Variants in MBD5 observed in about 807,000 individuals in gnomAD.
The protein encoded by MBD5 is methyl-CpG binding domain protein 5, also known as methyl-CpG-binding domain protein 5.
Under a neutral mutation model 117.3 loss-of-function variants are expected in MBD5, and 13 were observed. The observed-to-expected ratio is 0.11, with a 90% CI of 0.07 to 0.18. The LOEUF is 0.18. Ranked by LOEUF, MBD5 falls within the 10% of genes least tolerant of loss-of-function variation. The probability of loss-of-function intolerance (pLI) is 1.00; values close to 1 mark genes in which losing one functional copy is unlikely to be tolerated. For missense variants in MBD5, 1,879 were observed against 2,093.8 expected (o/e 0.90, Z 2.00); for synonymous variants, 727 against 766.4 (o/e 0.95, Z 0.85).
chr2:148,470,397 G>A lies in MBD5; in HGVS notation c.2454G>A (p.Thr818=), dbSNP rs769275989. The part of the protein sequence containing the change: ...HPNPPQSRIS[T]SSTPVIPNSI... ...ATCCACCTCAGTCAAGAATTTCAAC[G>A]TCCTCCACTCCAGTGATACCAAACA... Residue 818 remains threonine (T), a synonymous_variant, in exon 8 of 14, where the codon ACG becomes ACA. Coordinates refer to ENST00000642680, the MANE Select transcript of MBD5 (RefSeq NM_001378120.1). The A allele has an allele frequency of 1.2e-5, 20 of 1,613,112 alleles. No individual in the cohort carries two copies. Among genetic ancestry groups the A allele is most frequent in the South Asian group, 3.3e-5 (3 of 91,008 alleles).
intron 4 of MBD5, among the ~76,000 whole-genome samples, chr2:148,381,394 G>C (rs1704138576): frequency 6.6e-6 from 1 of 152,080 alleles, no homozygotes; most frequent in South Asian, 2.1e-4. Context: ...TGAATGAAAT[G>C]AGAAGTTTAG....
chr2:148,117,081 A>G (rs2105379880), intron 1 of MBD5, among the ~76,000 whole-genome samples: 1 of 152,280 alleles, frequency 6.6e-6, no homozygotes, highest in East Asian at 1.9e-4. Context: ...GTAAAAGTTT[A>G]TTTAAAAACA....
intron 8 of MBD5, among the ~76,000 whole-genome samples, chr2:148,476,835 A>G (rs1680981301): frequency 6.6e-6 from 1 of 152,186 alleles, no homozygotes; most frequent in Non-Finnish European, 1.5e-5. Context: ...TCTGCTCATT[A>G]AACAAAATGA....
intron 2 of MBD5, among the ~76,000 whole-genome samples, chr2:148,187,865 T>A (rs1221925764): frequency 6.6e-6 from 1 of 152,086 alleles, no homozygotes; most frequent in Non-Finnish European, 1.5e-5. Context: ...AAATTGTAAA[T>A]AGATTGGTAA....
chr2:148,159,911 G>A (rs1305634406), intron 1 of MBD5, among the ~76,000 whole-genome samples: 2 of 152,194 alleles, frequency 1.3e-5, no homozygotes, highest in Non-Finnish European at 2.9e-5. Flanking sequence ...AACTTGCACT[G>A]GCTTTAGTAC....
At chr2:148,478,420 T>A (rs906281400) in intron 8 of MBD5, among the ~76,000 whole-genome samples, 11 of 152,014 alleles carry the variant, frequency 7.2e-5, no homozygotes, top group African/African-American at 2.7e-4. Context: ...CTGTCTGTAC[T>A]AAAAATACAA....
chr2:148,417,261 TA>T (rs1454433979), intron 4 of MBD5, among the ~76,000 whole-genome samples: 1 of 150,532 alleles, frequency 6.6e-6, no homozygotes, highest in Non-Finnish European at 1.5e-5. Flanking sequence ...TATCTGGGTC[TA>T]CAGACATGTG....
chr2:148,410,994 A>T lies in MBD5; in HGVS notation c.-556-47209A>T, dbSNP rs116250222. Among the ~76,000 whole-genome samples, 487 of 152,028 alleles carry T rather than the reference A, an allele frequency of 3.2e-3. 4 individuals are homozygous for T. Among genetic ancestry groups the T allele is most frequent in the African/African-American group, 0.011 (452 of 41,474 alleles). On this transcript the variant is annotated intron_variant, in intron 4 of 13. Coordinates refer to ENST00000642680, the MANE Select transcript of MBD5 (RefSeq NM_001378120.1). ...ATAGTAACCAATAGGTAGTTTTTTG[A>T]CCTTCACCTTCCTCCCACCCTCCAC...
chr2:148,276,369 A>G (rs1701114509), intron 3 of MBD5, among the ~76,000 whole-genome samples: 1 of 152,202 alleles, frequency 6.6e-6, no homozygotes. Flanking sequence ...TCAAAGCTAT[A>G]GAATATTTGT....
intron 3 of MBD5, among the ~76,000 whole-genome samples, chr2:148,269,464 T>C (rs1700932935): frequency 6.6e-6 from 1 of 151,768 alleles, no homozygotes; most frequent in Non-Finnish European, 1.5e-5. Context: ...AATTTTTATT[T>C]TACTTTTATA....
intron 1 of MBD5, among the ~76,000 whole-genome samples, chr2:148,131,827 AGTTTTT>A (rs1455750079): frequency 3.9e-5 from 6 of 152,182 alleles, no homozygotes; most frequent in African/African-American, 1.4e-4. Flanking sequence ...AAATCTTAAA[AGTTTTT>A]AATTCCTTGA....
chr2:148,143,901 C>T (rs867677941), intron 1 of MBD5, among the ~76,000 whole-genome samples: 10 of 151,824 alleles, frequency 6.6e-5, no homozygotes, highest in South Asian at 2.1e-4. Flanking sequence ...TGAATAGTGC[C>T]GCAATAAACA....
chr2:148,070,793 TA>T (rs1251215153), intron 1 of MBD5: 1 of 152,046 alleles, frequency 6.6e-6, no homozygotes, highest in Non-Finnish European at 1.5e-5. Context: ...ACAGTCTATT[TA>T]AAATGGAAGT....
At position 148,463,895 on chromosome 2, in the gene MBD5, C is replaced by T. The variant is rs755156793; in HGVS notation, c.373C>T (p.Leu125Phe). 1.2e-6 allele frequency: 2 copies of T among 1,613,628 alleles called. No homozygotes were observed. The highest frequency in any genetic ancestry group is 1.7e-6 in the Non-Finnish European group (2 of 1,179,672). Reference sequence around the variant, plus strand: ...GGAAGCCCCACATCCTTCTCTGGTGCTCACCAGTCCCGGAGGAGGAACAAG... The same window carrying T: ...GGAAGCCCCACATCCTTCTCTGGTGTTCACCAGTCCCGGAGGAGGAACAAG... ...SMEAPHPSLV[L>F]TSPGGGTNAT... The change falls in exon 7 of 14, where the codon CTC (leucine) becomes TTC (phenylalanine). Residue 125 changes from leucine (L) to phenylalanine (F), a missense_variant. By Grantham distance (22) the Leu-to-Phe change is conservative. Around this residue, in one of 4 missense-constraint regions of MBD5, gnomAD observed 1,666 missense variants for 1,792.2 expected, o/e 0.93. Transcript: ENST00000642680.
chr2:148,177,477 G>A (rs550345266), intron 1 of MBD5, among the ~76,000 whole-genome samples: 2 of 152,186 alleles, frequency 1.3e-5, no homozygotes, highest in African/African-American at 2.4e-5. Flanking sequence ...GATATTACAT[G>A]GTCATTGAGG....
rs996045897 is a variant in MBD5, at chr2:148,057,274, G to T, written c.-925+35590G>T. Among the ~76,000 whole-genome samples, 3 of 151,604 alleles carry T rather than the reference G, an allele frequency of 2.0e-5. 1 individual carries two copies. Among genetic ancestry groups the T allele is most frequent in the South Asian group, 4.2e-4 (2 of 4,816 alleles). On this transcript the variant is annotated intron_variant, in intron 1 of 13. Coordinates refer to ENST00000642680, the MANE Select transcript of MBD5 (RefSeq NM_001378120.1). ...TGCTTTATTCATTATGTATTCTGCTGACTTTTAACTTTTAAATTTATATAC... is the reference window on the plus strand; with the variant it reads ...TGCTTTATTCATTATGTATTCTGCTTACTTTTAACTTTTAAATTTATATAC...
intron 4 of MBD5, among the ~76,000 whole-genome samples, chr2:148,405,473 G>A (rs1705047469): frequency 6.6e-6 from 1 of 152,186 alleles, no homozygotes; most frequent in African/African-American, 2.4e-5. Flanking sequence ...AGCATGCCAG[G>A]AAAACGGAAC....
At chr2:148,398,800 T>C (rs1471093530) in intron 4 of MBD5, among the ~76,000 whole-genome samples, 3 of 152,220 alleles carry the variant, frequency 2.0e-5, no homozygotes, top group Admixed American at 6.5e-5. Context: ...AACATGTAAG[T>C]CTTTAATCTA....
At chr2:148,452,164 A>T (rs909210624) in intron 4 of MBD5, among the ~76,000 whole-genome samples, 1 of 152,182 alleles carries the variant, frequency 6.6e-6, no homozygotes, top group Non-Finnish European at 1.5e-5. Context: ...ACTTATTTTC[A>T]TGATGTTACT....
Sources: gnomAD v4.1 joint callset for allele counts (sites outside exome capture counted in the v4.1 genomes callset) on GRCh38, gnomAD v4.1.1 for gene constraint, gnomAD v4.1.1 regional missense constraint, MANE v1.5 for transcripts, NCBI Gene and HGNC (gene_info 2026-07-23, HGNC 2026-07-21) for gene names.